Variants in ENPP3 observed in about 807,000 individuals in gnomAD.
The protein encoded by ENPP3 is ectonucleotide pyrophosphatase/phosphodiesterase 3.
In ENPP3, 104 loss-of-function variants were observed where a neutral mutation model predicts 117.8. The observed-to-expected ratio is 0.88, with a 90% CI of 0.75 to 1.04. ENPP3 has a LOEUF of 1.04. Ranked by LOEUF, ENPP3 falls within the 50% of genes least tolerant of loss-of-function variation. The pLI is 0.00. For synonymous variants in ENPP3, 380 were observed against 349.9 expected (o/e 1.09, Z -0.96); for missense variants, 1,026 against 1,051.9 (o/e 0.98, Z 0.34).
chr6:131,727,415 C>T (rs191702342), intron 20 of ENPP3, among the ~76,000 whole-genome samples: 7 of 151,874 alleles, frequency 4.6e-5, no homozygotes, highest in Admixed American at 3.3e-4. Context: ...ATTAGGCAGG[C>T]GGGGTGGCAT....
rs1318382142 is a variant in ENPP3, at chr6:131,716,590, A to C, written c.1413-2082A>C. On this transcript the variant is annotated intron_variant, in intron 15 of 24. Transcript: ENST00000357639. ...GCTTTCCACACAGAATTTAAAACTT[A>C]ATTACCTCCTACTAAATAATTCCAT... Among the ~76,000 whole-genome samples, 5 of 150,622 alleles carry C rather than the reference A, an allele frequency of 3.3e-5. No homozygotes were observed. In the East Asian group the frequency reaches 9.9e-4, roughly 30 times the overall value.
At chr6:131,710,021 C>T (rs1205427668) in intron 15 of ENPP3, 1 of 1,609,234 alleles carries the variant, frequency 6.2e-7, no homozygotes, top group Non-Finnish European at 8.5e-7. Flanking sequence ...TTTCTTTCTC[C>T]TTCTAAGCTT....
intron 15 of ENPP3, among the ~76,000 whole-genome samples, chr6:131,713,347 C>T (rs1779827372): frequency 6.6e-6 from 1 of 150,964 alleles, no homozygotes; most frequent in Admixed American, 6.6e-5. Context: ...ATATTTTGGC[C>T]AGATTGTATA....
At chr6:131,668,362 G>A (rs1585640355) in intron 6 of ENPP3, among the ~76,000 whole-genome samples, 2 of 151,650 alleles carry the variant, frequency 1.3e-5, no homozygotes, top group African/African-American at 2.4e-5. Flanking sequence ...TTACAGGCAC[G>A]CGCCACTGCA....
intron 6 of ENPP3, among the ~76,000 whole-genome samples, chr6:131,665,310 A>G (rs573181736): frequency 1.3e-5 from 2 of 152,274 alleles, no homozygotes; most frequent in African/African-American, 2.4e-5. Flanking sequence ...GAAGAGTTTG[A>G]GAAGAATTGG....
At chr6:131,673,209 T>TAC (rs1280530845) in intron 7 of ENPP3, among the ~76,000 whole-genome samples, 1 of 152,152 alleles carries the variant, frequency 6.6e-6, no homozygotes, top group Non-Finnish European at 1.5e-5. Flanking sequence ...TATATATATA[T>TAC]ACACACTTGG....
rs566449142 is a variant in ENPP3 at position 131,715,422 on chromosome 6, C to A, written c.1413-3250C>A. ...GCAAGGGGACCATCTCCACTTCATG[C>A]CCAGGCAGACATCCAGGGATTCAGA... On this transcript the variant is annotated intron_variant, in intron 15 of 24. Coordinates refer to ENST00000357639, the MANE Select transcript of ENPP3 (RefSeq NM_005021.5). Among the ~76,000 whole-genome samples the A allele has an allele frequency of 4.5e-5, 6 of 132,906 alleles. No homozygotes were observed. In the South Asian group the frequency reaches 1.4e-3, roughly 30 times the overall value. 87.2% of individuals were successfully genotyped at this position (132,906 alleles called of 152,430 possible).
At chr6:131,725,221 G>T (rs1372743307) in intron 19 of ENPP3, among the ~76,000 whole-genome samples, 1 of 152,028 alleles carries the variant, frequency 6.6e-6, no homozygotes, top group Non-Finnish European at 1.5e-5. Flanking sequence ...GCAAGACTTG[G>T]TCTCAAAAGT....
In ENPP3 at chr6:131,722,325, G is replaced by C; in HGVS notation, c.1666G>C (p.Val556Leu). The change falls in exon 18 of 25, where the codon GTG (valine) becomes CTG (leucine). Residue 556 changes from valine to leucine, a missense_variant. Transcript: ENST00000357639. ...PFYEPSHAEE[V>L]SKFSVCGFAN... The stretch of plus-strand genomic sequence containing the variant: ...TTATGAGCCATCCCATGCAGAGGAG[G>C]TGTCAAAGTTTTCTGTTTGTGGCTT... The C allele has an allele frequency of 6.2e-7, 1 of 1,614,018 alleles. No homozygotes were observed.
chr6:131,676,016 G>A (rs950190667), intron 9 of ENPP3, among the ~76,000 whole-genome samples: 41 of 151,926 alleles, frequency 2.7e-4, no homozygotes, highest in African/African-American at 9.4e-4. Context: ...CTACTCCCTC[G>A]GGTGCTCACT....
At chr6:131,715,619 G>C (rs1366907003) in intron 15 of ENPP3, among the ~76,000 whole-genome samples, 8 of 150,822 alleles carry the variant, frequency 5.3e-5, no homozygotes, top group African/African-American at 2.0e-4. Flanking sequence ...ATTGGTGTAA[G>C]GAGACCCTCT....
rs1298854239 is a variant in ENPP3, at chr6:131,738,058, T to C, written c.2195T>C (p.Leu732Pro). The C allele has an allele frequency of 6.2e-7, 1 of 1,606,658 alleles. No individual in the cohort carries two copies. The highest frequency in any genetic ancestry group is 1.3e-5 in the African/African-American group (1 of 74,722). Reference sequence around the variant, plus strand: ...ATGTGGGACTACTTCCACAGTGTTCTTCTTATAAAACATGCCACAGAAAGA... The same window carrying C: ...ATGTGGGACTACTTCCACAGTGTTCCTCTTATAAAACATGCCACAGAAAGA... ...RKMWDYFHSVLLIKHATERNG... is the reference protein window; with the variant it reads ...RKMWDYFHSVPLIKHATERNG... Residue 732 changes from leucine to proline, a missense_variant, in exon 23 of 25, where the codon CTT (leucine) becomes CCT (proline). Leu to Pro is a moderately conservative substitution (Grantham distance 98). Transcript: ENST00000357639.
At chr6:131,716,584 AAACTT>A (rs1244883278) in intron 15 of ENPP3, among the ~76,000 whole-genome samples, 1 of 150,880 alleles carries the variant, frequency 6.6e-6, no homozygotes, top group Non-Finnish European at 1.5e-5. Flanking sequence ...ACAGAATTTA[AAACTT>A]AATTACCTCC....
intron 8 of ENPP3, 47 bp downstream of exon 8, chr6:131,674,328 AGT>A: frequency 6.3e-7 from 1 of 1,585,338 alleles, no homozygotes; most frequent in African/African-American, 1.3e-5. Flanking sequence ...TCCATTTCTC[AGT>A]GTGACAGGAG....
intron 14 of ENPP3, 48 bp downstream of exon 14, chr6:131,685,955 C>A: frequency 1.7e-6 from 1 of 589,526 alleles, no homozygotes; most frequent in Non-Finnish European, 3.1e-6. Flanking sequence ...AATGCAATGA[C>A]CTTAATCTGG....
chr6:131,729,077 T>G (rs1780218579), intron 20 of ENPP3, among the ~76,000 whole-genome samples: 1 of 152,224 alleles, frequency 6.6e-6, no homozygotes, highest in East Asian at 1.9e-4. Context: ...TATCTCTCGC[T>G]CTATTTACCT....
chr6:131,674,648 C>A (rs967832158), intron 8 of ENPP3, among the ~76,000 whole-genome samples: 1 of 150,514 alleles, frequency 6.6e-6, no homozygotes, highest in Non-Finnish European at 1.5e-5. Context: ...TCTCGGCTTA[C>A]TGTAACCTCT....
intron 15 of ENPP3, among the ~76,000 whole-genome samples, chr6:131,696,800 C>T (rs1415134746): frequency 7.0e-6 from 1 of 143,554 alleles, no homozygotes; most frequent in African/African-American, 2.6e-5. Flanking sequence ...AATGGAGTCT[C>T]GCTCTGTCGC....
intron 15 of ENPP3, among the ~76,000 whole-genome samples, chr6:131,716,271 G>A (rs1386965887): frequency 6.6e-6 from 1 of 152,134 alleles, no homozygotes; most frequent in Non-Finnish European, 1.5e-5. Flanking sequence ...AACTTCCAAA[G>A]CTAAATTAAT....
Sources: allele counts gnomAD v4.1 joint callset (sites outside exome capture counted in the v4.1 genomes callset), GRCh38; gene constraint gnomAD v4.1.1; transcripts MANE v1.5; gene names NCBI Gene and HGNC (gene_info 2026-07-23, HGNC 2026-07-21).